Variants in HPGDS observed in about 807,000 individuals in gnomAD.
HPGDS encodes the protein GST class-sigma.
A neutral mutation model predicts 23.1 loss-of-function variants in HPGDS; 26 were observed. That is an observed-to-expected ratio of 1.13 (90% confidence interval 0.83 to 1.56). The LOEUF (loss-of-function observed/expected upper bound fraction) is 1.56. HPGDS is among the 40% of genes most tolerant of loss of function. The pLI, the probability that HPGDS is intolerant of heterozygous loss-of-function variation, is 0.00. For missense variants in HPGDS, 268 were observed against 236.4 expected, an observed-to-expected ratio of 1.13 and a Z score of -0.88; for synonymous variants, 95 against 77.9, an observed-to-expected ratio of 1.22 and a Z score of -1.16.
intron 3 of HPGDS, among the ~76,000 whole-genome samples, chr4:94,317,159 G>A (rs1416686635): frequency 1.3e-5 from 2 of 152,124 alleles, no homozygotes; most frequent in African/African-American, 2.4e-5. Flanking sequence ...TGGGGAGATA[G>A]GTTTCAGAGA....
chr4:94,308,890 C>T, intron 3 of HPGDS, 147 bp from the exon 4 acceptor site: 3 of 477,496 alleles, frequency 6.3e-6, no homozygotes. Flanking sequence ...CCACATTTTG[C>T]TCCCTTACCT....
intron 4 of HPGDS, among the ~76,000 whole-genome samples, chr4:94,308,063 C>T (rs77544176): frequency 0.14 from 20,700 of 152,092 alleles, 1,729 homozygotes; most frequent in Non-Finnish European, 0.19. Context: ...TTTGCATATA[C>T]ATAATGAGAT....
intron 2 of HPGDS, among the ~76,000 whole-genome samples, chr4:94,332,206 C>T (rs546727921): frequency 5.9e-5 from 9 of 152,270 alleles, no homozygotes; most frequent in Middle Eastern, 6.8e-3. Context: ...ACCCTGTCCT[C>T]TCTCCAGCTC....
chr4:94,320,133 T>C (rs1756474121), intron 2 of HPGDS, among the ~76,000 whole-genome samples: 1 of 152,202 alleles, frequency 6.6e-6, no homozygotes, highest in Non-Finnish European at 1.5e-5. Flanking sequence ...GGTATATATG[T>C]ACTACATTTT....
chr4:94,328,213 T>C (rs1756675108), intron 2 of HPGDS, among the ~76,000 whole-genome samples: 1 of 152,264 alleles, frequency 6.6e-6, no homozygotes, highest in Non-Finnish European at 1.5e-5. Context: ...CTTTTCTTTC[T>C]GTGCCTCAGA....
At chr4:94,340,316 T>TC (rs1560598061) in intron 1 of HPGDS, among the ~76,000 whole-genome samples, 503 of 17,026 alleles carry the variant, frequency 0.03, 22 homozygotes, top group Non-Finnish European at 0.034. Context: ...TTTCTCTTTT[T>TC]TTTTTTTTTT....
At chr4:94,318,808 G>A (rs183457793) in intron 2 of HPGDS, among the ~76,000 whole-genome samples, 443 of 152,204 alleles carry the variant, frequency 2.9e-3, no homozygotes, top group African/African-American at 9.9e-3. Context: ...CACCTCCCAG[G>A]TTCAAGTAAT....
At chr4:94,322,616 T>A (rs1179144729) in intron 2 of HPGDS, among the ~76,000 whole-genome samples, 1 of 152,182 alleles carries the variant, frequency 6.6e-6, no homozygotes, top group Non-Finnish European at 1.5e-5. Context: ...ATATCCCCTT[T>A]ATCATTTTTC....
intron 3 of HPGDS, among the ~76,000 whole-genome samples, chr4:94,314,731 C>A (rs1225070770): frequency 1.3e-5 from 2 of 152,186 alleles, no homozygotes; most frequent in African/African-American, 4.8e-5. Flanking sequence ...TGCCCTGCCC[C>A]CAGAGGTGGA....
intron 3 of HPGDS, among the ~76,000 whole-genome samples, chr4:94,311,717 C>T (rs931150818): frequency 6.6e-6 from 1 of 151,408 alleles, no homozygotes; most frequent in Non-Finnish European, 1.5e-5. Context: ...GGAATGGTAC[C>T]AGCTCCTCCT....
intron 1 of HPGDS, among the ~76,000 whole-genome samples, chr4:94,335,348 G>A (rs1032004136): frequency 2.6e-5 from 4 of 152,120 alleles, no homozygotes; most frequent in Admixed American, 1.3e-4. Context: ...ATTTCAAAAC[G>A]TTTGCTAATA....
chr4:94,309,847 T>C lies in HPGDS; in HGVS notation c.227-1104A>G, dbSNP rs1426639023. On this transcript the variant is annotated intron_variant, in intron 3 of 5. Transcript: ENST00000295256. The stretch of plus-strand genomic sequence containing the variant: ...CTAACTGGTGTGAGATGGTATCTCA[T>C]TGTGGTTTTGATTTACATTTCTCTG... Among the ~76,000 whole-genome samples, 11 of 152,282 alleles carry C rather than the reference T, an allele frequency of 7.2e-5. No homozygotes were observed. The South Asian group carries it at 1.2e-3, about 17-fold the overall frequency.
At chr4:94,328,147 A>G (rs535871190) in intron 2 of HPGDS, among the ~76,000 whole-genome samples, 12 of 152,216 alleles carry the variant, frequency 7.9e-5, no homozygotes, top group Non-Finnish European at 1.3e-4. Context: ...TTTCCCCACA[A>G]TGGGGAGTCC....
At chr4:94,325,521 T>C (rs1305827431) in intron 2 of HPGDS, among the ~76,000 whole-genome samples, 1 of 152,196 alleles carries the variant, frequency 6.6e-6, no homozygotes, top group African/African-American at 2.4e-5. Flanking sequence ...GGCTGCCGCC[T>C]TGCAGTTCGA....
intron 2 of HPGDS, among the ~76,000 whole-genome samples, chr4:94,328,579 T>C (rs933191880): frequency 1.3e-5 from 2 of 152,180 alleles, no homozygotes; most frequent in African/African-American, 2.4e-5. Flanking sequence ...AGCCACATAG[T>C]TTTAACCATT....
chr4:94,339,228 T>C (rs1271819745), intron 1 of HPGDS, among the ~76,000 whole-genome samples: 1 of 152,240 alleles, frequency 6.6e-6, no homozygotes, highest in Non-Finnish European at 1.5e-5. Flanking sequence ...TGGTCCCTTA[T>C]TTCCTGTTAG....
At chr4:94,309,888 G>A (rs1441707781) in intron 3 of HPGDS, among the ~76,000 whole-genome samples, 2 of 152,124 alleles carry the variant, frequency 1.3e-5, no homozygotes, top group East Asian at 1.9e-4. Flanking sequence ...CAGTGATGAC[G>A]AGCATTTTTT....
At chr4:94,304,209 G>C (rs1345738101) in intron 4 of HPGDS, among the ~76,000 whole-genome samples, 1 of 151,972 alleles carries the variant, frequency 6.6e-6, no homozygotes, top group Non-Finnish European at 1.5e-5. Context: ...TTTCTCAAAA[G>C]CATTTTCAGA....
At chr4:94,313,337 T>C (rs1206320109) in intron 3 of HPGDS, among the ~76,000 whole-genome samples, 1 of 152,208 alleles carries the variant, frequency 6.6e-6, no homozygotes, top group Non-Finnish European at 1.5e-5. Context: ...GGCCTAATGG[T>C]GACAAAATCT....
Sources: allele counts gnomAD v4.1 joint callset (sites outside exome capture counted in the v4.1 genomes callset), GRCh38; gene constraint gnomAD v4.1.1; transcripts MANE v1.5; gene names NCBI Gene and HGNC (gene_info 2026-07-23, HGNC 2026-07-21).